The following CFAP54 variants were observed in gnomAD, a reference collection of about 807,000 sequenced individuals.
The protein encoded by CFAP54 is cilia- and flagella-associated protein 54.
In CFAP54, 290 loss-of-function variants were observed where a neutral mutation model predicts 370.4. The ratio of observed to expected loss-of-function variants is 0.78; its 90% CI spans 0.71 to 0.86. The LOEUF (loss-of-function observed/expected upper bound fraction) is 0.86, where lower values mean the gene tolerates loss of function less well. Among genes scored for constraint, CFAP54 ranks in the 40% least tolerant of loss-of-function variants. The pLI is 0.00. For missense variants in CFAP54, 3,399 were observed against 3,528.7 expected (o/e 0.96, Z 0.93); for synonymous variants, 1,206 against 1,236.5 (o/e 0.98, Z 0.52).
chr12:96,656,303 C>A (rs1228577293), intron 36 of CFAP54, among the ~76,000 whole-genome samples: 1 of 151,798 alleles, frequency 6.6e-6, no homozygotes, highest in Non-Finnish European at 1.5e-5. Flanking sequence ...AATTCTCTCC[C>A]CCCCCCTCCC....
At chr12:96,691,452 A>C in intron 44 of CFAP54, 142 bp downstream of exon 44, 1 of 524,642 alleles carries the variant, frequency 1.9e-6, no homozygotes, top group Admixed American at 4.1e-5. Flanking sequence ...TCTTACTTAC[A>C]CTTCAAACTA....
intron 47 of CFAP54, among the ~76,000 whole-genome samples, chr12:96,708,281 G>A (rs1178050011): frequency 1.3e-5 from 2 of 152,156 alleles, no homozygotes; most frequent in African/African-American, 2.4e-5. Context: ...TAGCCGATGT[G>A]TGTGTCTAAT....
chr12:96,600,461 C>A (rs2136443307), intron 26 of CFAP54, among the ~76,000 whole-genome samples: 1 of 152,218 alleles, frequency 6.6e-6, no homozygotes, highest in South Asian at 2.1e-4. Context: ...ATTGTCTTGG[C>A]TATGTGGACT....
chr12:96,845,964 G>A (rs529122881), intron 66 of CFAP54, among the ~76,000 whole-genome samples: 1 of 152,138 alleles, frequency 6.6e-6, no homozygotes, highest in Non-Finnish European at 1.5e-5. Context: ...ATGACCCATA[G>A]TTCAGTCACA....
rs529838448 is a variant in CFAP54, at chr12:96,543,302, G to A, written c.2077+2315G>A. On this transcript the variant is annotated intron_variant, in intron 14 of 67. Transcript: ENST00000524981. ...AAGCACAGTGGAGAAGTGAGACAGC[G>A]GAGGAAAGGAAGCCCCATGTAATGC... Among the ~76,000 whole-genome samples the A allele has an allele frequency of 5.3e-5, 8 of 152,296 alleles. No individual in the cohort carries two copies. The East Asian group carries it at 5.8e-4, about 11-fold the overall frequency.
Position 96,658,062 on chromosome 12 carries a change from G to C in CFAP54, c.5281G>C (p.Glu1761Gln). 6.2e-7 allele frequency: 1 copy of C among 1,613,688 alleles called. No individual in the cohort carries two copies. The highest frequency in any genetic ancestry group is 8.5e-7 in the Non-Finnish European group (1 of 1,179,900). ...LEVLYQVEKW[E>Q]TLVSLAIQFN... ...AGTTTTATATCAAGTGGAAAAATGG[G>C]AAACACTAGTATCTCTTGCCATTCA... is the stretch of plus-strand genomic sequence containing the variant. The change falls in exon 37 of 68, where the codon GAA becomes CAA. Residue 1761 changes from glutamate to glutamine, a missense_variant. Transcript: ENST00000524981.
chr12:96,642,707 T>G (rs544365896), intron 32 of CFAP54, among the ~76,000 whole-genome samples: 4 of 152,324 alleles, frequency 2.6e-5, no homozygotes, highest in Admixed American at 6.5e-5. Flanking sequence ...AAATATTTTT[T>G]AATTCGGGTG....
At chr12:96,550,302 C>T (rs1043891124) in intron 15 of CFAP54, among the ~76,000 whole-genome samples, 1 of 152,054 alleles carries the variant, frequency 6.6e-6, no homozygotes, top group Non-Finnish European at 1.5e-5. Flanking sequence ...CCTGGCTGGG[C>T]GTGGTGGTTC....
chr12:96,770,004 C>T (rs908250655), intron 60 of CFAP54, among the ~76,000 whole-genome samples: 11 of 152,124 alleles, frequency 7.2e-5, no homozygotes, highest in African/African-American at 2.7e-4. Context: ...GATACAGGGT[C>T]GATAACAACT....
chr12:96,563,663 C>T (rs1034831050), intron 17 of CFAP54, among the ~76,000 whole-genome samples: 4 of 152,126 alleles, frequency 2.6e-5, no homozygotes, highest in Non-Finnish European at 2.9e-5. Flanking sequence ...CATCTTTTCA[C>T]GAATCAATTA....
chr12:96,640,582 G>A (rs1418020743), intron 32 of CFAP54, among the ~76,000 whole-genome samples: 1 of 152,074 alleles, frequency 6.6e-6, no homozygotes, highest in Non-Finnish European at 1.5e-5. Flanking sequence ...CTACTTTAAA[G>A]TTCATATAGA....
intron 52 of CFAP54, 25 bp from the exon 53 acceptor site, chr12:96,743,377 A>G (rs367724055): frequency 2.5e-6 from 4 of 1,607,420 alleles, no homozygotes; most frequent in Admixed American, 3.4e-5. Flanking sequence ...AATGCATTTT[A>G]AATAACCGCA....
chr12:96,767,386 T>C (rs1958411519), intron 60 of CFAP54, among the ~76,000 whole-genome samples: 5 of 152,186 alleles, frequency 3.3e-5, no homozygotes, highest in Admixed American at 2.6e-4. Flanking sequence ...TCCAGTTGAG[T>C]AGGTAGTCTT....
At position 96,679,321 on chromosome 12, in the gene CFAP54, G is replaced by T. The variant is rs189275871; in HGVS notation, c.5564-279G>T. 3.3e-5 allele frequency among the ~76,000 whole-genome samples: 5 copies of T among 152,050 alleles called. No homozygotes were observed. In the East Asian group the frequency reaches 5.8e-4, roughly 18 times the overall value. ...TTTTTATGATCAGCAAAAGAAAAAG[G>T]AGGCTTCATGGGGAAAATTGGCAAG... On this transcript the variant is annotated intron_variant, in intron 39 of 67. Coordinates refer to ENST00000524981, the MANE Select transcript of CFAP54 (RefSeq NM_001306084.2).
At position 96,596,007 on chromosome 12, in the gene CFAP54, C is replaced by T. The variant is rs116972030; in HGVS notation, c.3516+1561C>T. Among the ~76,000 whole-genome samples the T allele has an allele frequency of 4.2e-3, 646 of 152,174 alleles. 8 individuals are homozygous for T. The highest frequency in any genetic ancestry group is 0.038 in the South Asian group (183 of 4,828). On this transcript the variant is annotated intron_variant, in intron 25 of 67. Coordinates refer to ENST00000524981, the MANE Select transcript of CFAP54 (RefSeq NM_001306084.2). ...TAACATGATGTCATTGATATAGTGG[C>T]CCAATGTTTTGTTTTGAGGAATGTC...
At chr12:96,771,589 T>C (rs1025424923) in intron 60 of CFAP54, among the ~76,000 whole-genome samples, 10 of 152,090 alleles carry the variant, frequency 6.6e-5, no homozygotes, top group Non-Finnish European at 1.2e-4. Flanking sequence ...GAGGCGGAGC[T>C]TGCAGTGAGC....
intron 39 of CFAP54, among the ~76,000 whole-genome samples, chr12:96,664,622 A>ATGTGTGTGTGTGTG (rs55839375): frequency 1.8e-4 from 21 of 115,204 alleles, no homozygotes; most frequent in African/African-American, 7.5e-4. Flanking sequence ...CCAAGAACGT[A>ATGTGTGTGTGTGTG]TGTGTGTGTG....
Position 96,549,696 on chromosome 12 carries a change from T to A in CFAP54, c.2154+1718T>A, listed in dbSNP as rs12581229. Among the ~76,000 whole-genome samples the A allele has an allele frequency of 8.0e-3, 1,219 of 152,362 alleles. 33 individuals carry two copies. The highest frequency in any genetic ancestry group is 0.056 in the East Asian group (293 of 5,190). The stretch of plus-strand genomic sequence containing the variant: ...GTATAAGTGTCCTCATCTGGAAAAT[T>A]ATAATAGTACCTATTCCACTGAGTT... On this transcript the variant is annotated intron_variant, in intron 15 of 67. Transcript: ENST00000524981.
chr12:96,572,865 T>C, intron 19 of CFAP54: 1 of 985,416 alleles, frequency 1.0e-6, no homozygotes, highest in Non-Finnish European at 1.2e-6. Context: ...GTCTATGTTA[T>C]AGCCATGGCA....
Sources: allele counts gnomAD v4.1 joint callset (sites outside exome capture counted in the v4.1 genomes callset), GRCh38; gene constraint gnomAD v4.1.1; transcripts MANE v1.5; gene names NCBI Gene and HGNC (gene_info 2026-07-23, HGNC 2026-07-21).